The following CGNL1 variants were observed in gnomAD, a reference collection of about 807,000 sequenced individuals.
CGNL1 encodes cingulin-like protein 1.
CGNL1 carries 132 observed loss-of-function variants against 141.2 expected under a neutral mutation model. The observed-to-expected ratio is 0.93, with a 90% CI of 0.81 to 1.08. The LOEUF is 1.08. Ranked by LOEUF, CGNL1 falls within the 50% of genes least tolerant of loss-of-function variation. The probability of loss-of-function intolerance (pLI) is 0.00; values close to 1 mark genes in which losing one functional copy is unlikely to be tolerated. For synonymous variants in CGNL1, 690 were observed against 622.1 expected (o/e 1.11, Z -1.63); for missense variants, 1,870 against 1,588.6 (o/e 1.18, Z -3.01).
chr15:57,528,783 G>A lies in CGNL1; in HGVS notation c.3169G>A (p.Asp1057Asn). 1 of 1,614,110 alleles carries A rather than the reference G, an allele frequency of 6.2e-7. No individual in the cohort carries two copies. Among genetic ancestry groups the A allele is most frequent in the Middle Eastern group, 1.7e-4 (1 of 6,018 alleles). Residue 1057 changes from aspartate (D) to asparagine (N), a missense_variant, in exon 13 of 19, where the codon GAT becomes AAT. Asp to Asn is a conservative substitution (Grantham distance 23). Coordinates refer to ENST00000281282, the MANE Select transcript of CGNL1 (RefSeq NM_032866.5). Reference protein sequence around the residue: ...YELEAKSHLKDDRSRLVKQME... With the variant: ...YELEAKSHLKNDRSRLVKQME... ...GCTGGAAGCCAAGAGTCACCTCAAAGATGACCGCAGCAGGCTGGTCAAGCA... is the reference window on the plus strand; with the variant it reads ...GCTGGAAGCCAAGAGTCACCTCAAAAATGACCGCAGCAGGCTGGTCAAGCA...
intron 8 of CGNL1, among the ~76,000 whole-genome samples, chr15:57,465,915 A>G (rs2063505923): frequency 6.6e-6 from 1 of 152,222 alleles, no homozygotes; most frequent in Non-Finnish European, 1.5e-5. Context: ...GGTATTCCAA[A>G]CAGATAACTC....
At chr15:57,405,822 CTTTCTTTTTCTTTCTTTTCTTTT>C (rs1446241411) in intron 1 of CGNL1, 1 of 124,330 alleles carries the variant, frequency 8.0e-6, no homozygotes, top group Non-Finnish European at 1.7e-5. Context: ...TTCTTTCTTT[CTTTCTTTTTCTTTCTTTTCTTTT>C]TCTTTCTTTT....
chr15:57,443,743 G>A (rs557275867), intron 4 of CGNL1, among the ~76,000 whole-genome samples: 47 of 152,266 alleles, frequency 3.1e-4, no homozygotes, highest in African/African-American at 1.1e-3. Flanking sequence ...CTTAAAGTCA[G>A]TCCAGTATTT....
At position 57,382,443 on chromosome 15, in the gene CGNL1, C is replaced by T. The variant is rs140236379; in HGVS notation, c.-16+5876C>T. ...GCCAGAAGCCTCTTTGTTTACAGGG[C>T]AGGGTTTCTTCCCTGCTGCCCAATC... On this transcript the variant is annotated intron_variant, in intron 1 of 18. Transcript: ENST00000281282. Among the ~76,000 whole-genome samples the T allele has an allele frequency of 4.5e-3, 690 of 152,306 alleles. 5 individuals are homozygous for T. The highest frequency in any genetic ancestry group is 0.016 in the African/African-American group (665 of 41,566).
At chr15:57,378,588 G>T (rs187004259) in intron 1 of CGNL1, among the ~76,000 whole-genome samples, 1 of 151,672 alleles carries the variant, frequency 6.6e-6, no homozygotes, top group African/African-American at 2.4e-5. Context: ...TCGCCATGTT[G>T]TCCAGGCTGT....
At chr15:57,430,788 T>A (rs1248281379) in intron 1 of CGNL1, among the ~76,000 whole-genome samples, 1 of 152,134 alleles carries the variant, frequency 6.6e-6, no homozygotes. Context: ...GGTGCAATCT[T>A]GGCTCACTGC....
intron 11 of CGNL1, 131 bp from the exon 12 acceptor site, chr15:57,524,450 G>C: frequency 1.2e-6 from 1 of 842,484 alleles, no homozygotes; most frequent in Non-Finnish European, 1.9e-6. Flanking sequence ...CTCAGGATCA[G>C]GTGCTGGGCC....
At chr15:57,503,286 C>T (rs1472257544) in intron 8 of CGNL1, among the ~76,000 whole-genome samples, 2 of 152,172 alleles carry the variant, frequency 1.3e-5, no homozygotes, top group African/African-American at 4.8e-5. Context: ...GTGACTCATA[C>T]CCAAGAGGGC....
chr15:57,397,078 G>T (rs140274587), intron 1 of CGNL1: 2 of 152,208 alleles, frequency 1.3e-5, no homozygotes, highest in African/African-American at 2.4e-5. Context: ...AAAGAAGTCA[G>T]TCTTCTGGGA....
At chr15:57,423,008 G>A (rs899714922) in intron 1 of CGNL1, among the ~76,000 whole-genome samples, 5 of 152,126 alleles carry the variant, frequency 3.3e-5, no homozygotes, top group African/African-American at 7.2e-5. Flanking sequence ...GTAGAAGGTA[G>A]GCATGAATGG....
chr15:57,438,008 G>C lies in CGNL1; in HGVS notation c.9G>C (p.Leu3=), dbSNP rs762174793. 1 of 1,611,250 alleles carries C rather than the reference G, an allele frequency of 6.2e-7. No homozygotes were observed. Among genetic ancestry groups the C allele is most frequent in the South Asian group, 1.1e-5 (1 of 91,028 alleles). The change falls in exon 2 of 19, where the codon CTG becomes CTC. Residue 3 remains leucine, a synonymous_variant. Coordinates refer to ENST00000281282, the MANE Select transcript of CGNL1 (RefSeq NM_032866.5). ...AGCTGGAACAGTGAACCATGGAGCTGTATTTCGGTGAATATCAACATGTGC... is the reference window on the plus strand; with the variant it reads ...AGCTGGAACAGTGAACCATGGAGCTCTATTTCGGTGAATATCAACATGTGC... ME[L]YFGEYQHVQQ... is the part of the protein sequence containing the mutation.
At chr15:57,433,237 T>G (rs1428727678) in intron 1 of CGNL1, among the ~76,000 whole-genome samples, 2 of 150,794 alleles carry the variant, frequency 1.3e-5, no homozygotes, top group Non-Finnish European at 2.9e-5. Flanking sequence ...TATTTTGGTG[T>G]CAGCCCTCAC....
chr15:57,407,499 C>T (rs556319708), intron 1 of CGNL1, among the ~76,000 whole-genome samples: 1 of 151,994 alleles, frequency 6.6e-6, no homozygotes, highest in Admixed American at 6.6e-5. Flanking sequence ...ATAGTGACAA[C>T]CTGTCTCAAC....
At chr15:57,442,971 T>G (rs1253856941) in intron 4 of CGNL1, among the ~76,000 whole-genome samples, 1 of 152,166 alleles carries the variant, frequency 6.6e-6, no homozygotes, top group Non-Finnish European at 1.5e-5. Flanking sequence ...TAAAAATACA[T>G]AGACTATAAC....
At chr15:57,393,385 G>A (rs546564861) in intron 1 of CGNL1, among the ~76,000 whole-genome samples, 1 of 152,258 alleles carries the variant, frequency 6.6e-6, no homozygotes, top group East Asian at 1.9e-4. Context: ...AAGCTTAGTA[G>A]GCCTCCTCTG....
intron 1 of CGNL1, among the ~76,000 whole-genome samples, chr15:57,405,489 T>G (rs1331119690): frequency 6.6e-6 from 1 of 152,208 alleles, no homozygotes; most frequent in Non-Finnish European, 1.5e-5. Context: ...TGTGATACTG[T>G]CTAGGTTCCT....
chr15:57,468,234 C>CTTTTTTTTTTTTTTT (rs57360097), intron 8 of CGNL1, among the ~76,000 whole-genome samples: 5 of 85,918 alleles, frequency 5.8e-5, no homozygotes, highest in East Asian at 3.8e-4. Context: ...TTTTCTTTTT[C>CTTTTTTTTTTTTTTT]TTTTTTTTTT....
chr15:57,542,622 G>A (rs542939108), intron 14 of CGNL1, among the ~76,000 whole-genome samples: 14 of 151,964 alleles, frequency 9.2e-5, no homozygotes, highest in African/African-American at 3.4e-4. Context: ...TTTTGTTTCT[G>A]GCATAAAAAA....
intron 8 of CGNL1, among the ~76,000 whole-genome samples, chr15:57,496,597 C>G (rs1281480507): frequency 1.3e-5 from 2 of 152,158 alleles, no homozygotes; most frequent in Non-Finnish European, 2.9e-5. Flanking sequence ...CTGCTTTACT[C>G]CATTCCAAGT....
Sources: gnomAD v4.1 joint callset for allele counts (sites outside exome capture counted in the v4.1 genomes callset) on GRCh38, gnomAD v4.1.1 for gene constraint, MANE v1.5 for transcripts, NCBI Gene and HGNC (gene_info 2026-07-23, HGNC 2026-07-21) for gene names.